Variants in CNTN1 observed in about 807,000 individuals in gnomAD.
CNTN1 encodes contactin-1.
A neutral mutation model predicts 126.4 loss-of-function variants in CNTN1; 38 were observed. The ratio of observed to expected loss-of-function variants is 0.30; its 90% CI spans 0.23 to 0.39. The LOEUF (loss-of-function observed/expected upper bound fraction) is 0.39. Among genes scored for constraint, CNTN1 ranks in the 10% least tolerant of loss-of-function variants. The pLI, the probability that CNTN1 is intolerant of heterozygous loss-of-function variation, is 1.00. For missense variants in CNTN1, 1,009 were observed against 1,248.4 expected (o/e 0.81, Z 2.89); for synonymous variants, 413 against 422.6 (o/e 0.98, Z 0.28).
chr12:40,833,503 A>G (rs1490049194), intron 1 of CNTN1, among the ~76,000 whole-genome samples: 1 of 152,236 alleles, frequency 6.6e-6, no homozygotes, highest in African/African-American at 2.4e-5. Flanking sequence ...CTAAATTTTA[A>G]TACAAACTAA....
intron 17 of CNTN1, among the ~76,000 whole-genome samples, chr12:41,007,350 G>A (rs184073531): frequency 4.3e-4 from 66 of 152,082 alleles, no homozygotes; most frequent in Middle Eastern, 6.8e-3. Context: ...GTGAGCCACC[G>A]CGCCCGGCCA....
chr12:41,000,569 A>T (rs1364817180), intron 17 of CNTN1, among the ~76,000 whole-genome samples: 2 of 152,114 alleles, frequency 1.3e-5, no homozygotes, highest in African/African-American at 4.8e-5. Context: ...GTAAAATAAA[A>T]TCTCTCAAAC....
chr12:40,769,685 G>A (rs74946383), intron 1 of CNTN1, among the ~76,000 whole-genome samples: 1 of 152,042 alleles, frequency 6.6e-6, no homozygotes, highest in Non-Finnish European at 1.5e-5. Context: ...TGCTGCTTTA[G>A]GATATTGCAT....
At chr12:40,866,393 A>G (rs1040298610) in intron 1 of CNTN1, among the ~76,000 whole-genome samples, 10 of 152,284 alleles carry the variant, frequency 6.6e-5, no homozygotes, top group South Asian at 4.1e-4. Context: ...ATTCCTGATC[A>G]TATGGGAAAA....
At chr12:40,910,251 A>G in intron 3 of CNTN1, 146 bp downstream of exon 3, 1 of 618,514 alleles carries the variant, frequency 1.6e-6, no homozygotes, top group Non-Finnish European at 2.9e-6. Flanking sequence ...GGTCTTTCTG[A>G]GATTATAAGC....
At chr12:40,974,550 AAAAAG>A (rs774550022) in intron 15 of CNTN1, among the ~76,000 whole-genome samples, 37 of 152,188 alleles carry the variant, frequency 2.4e-4, no homozygotes, top group Non-Finnish European at 4.9e-4. Context: ...TATTCTTCCC[AAAAAG>A]AAAAGTCAGC....
intron 1 of CNTN1, among the ~76,000 whole-genome samples, chr12:40,871,357 G>A (rs1943488142): frequency 6.6e-6 from 1 of 152,118 alleles, no homozygotes; most frequent in Admixed American, 6.6e-5. Context: ...TATGACTCTA[G>A]GGAGAGGAGA....
chr12:40,946,210 A>G (rs1005820581), intron 14 of CNTN1, among the ~76,000 whole-genome samples: 1 of 152,148 alleles, frequency 6.6e-6, no homozygotes, highest in East Asian at 1.9e-4. Context: ...TCACTGGTCA[A>G]TATGCCATGC....
intron 23 of CNTN1, among the ~76,000 whole-genome samples, chr12:41,064,769 C>CTAGA (rs59729389): frequency 0.27 from 40,204 of 150,536 alleles, 5,367 homozygotes; most frequent in Admixed American, 0.33. Context: ...TGCTACCTCT[C>CTAGA]TAGATAGATA....
At chr12:40,805,593 C>G (rs12300069) in intron 1 of CNTN1, among the ~76,000 whole-genome samples, 9,056 of 152,134 alleles carry the variant, frequency 0.06, 670 homozygotes, top group African/African-American at 0.18. Context: ...CCCTTTATAT[C>G]TGTTAGCATT....
chr12:40,768,694 C>G (rs977855267), intron 1 of CNTN1, among the ~76,000 whole-genome samples: 15 of 151,986 alleles, frequency 9.9e-5, no homozygotes, highest in Non-Finnish European at 8.8e-5. Context: ...TGAATTGCAA[C>G]TGCACACAGG....
intron 1 of CNTN1, among the ~76,000 whole-genome samples, chr12:40,816,682 G>A (rs879284310): frequency 3.3e-5 from 5 of 151,096 alleles, no homozygotes; most frequent in Non-Finnish European, 7.4e-5. Flanking sequence ...TTGTCTTCTG[G>A]CAGCTTTTGG....
At chr12:41,016,018 TTTC>T (rs2120740654) in intron 18 of CNTN1, among the ~76,000 whole-genome samples, 1 of 152,312 alleles carries the variant, frequency 6.6e-6, no homozygotes, top group Admixed American at 6.5e-5. Flanking sequence ...CTCTTACCAG[TTTC>T]TTTTCGATCA....
At chr12:41,036,751 C>T (rs1949275993) in intron 23 of CNTN1, among the ~76,000 whole-genome samples, 1 of 152,056 alleles carries the variant, frequency 6.6e-6, no homozygotes, top group African/African-American at 2.4e-5. Context: ...TGTATATAGA[C>T]CTTTTTTCTG....
intron 15 of CNTN1, among the ~76,000 whole-genome samples, chr12:40,965,164 G>T (rs1947260824): frequency 6.6e-6 from 1 of 151,968 alleles, no homozygotes; most frequent in Admixed American, 6.6e-5. Flanking sequence ...TGAAATCTCT[G>T]CATTTATGTT....
chr12:40,951,021 A>G (rs1405916583), intron 14 of CNTN1, among the ~76,000 whole-genome samples: 1 of 152,072 alleles, frequency 6.6e-6, no homozygotes, highest in Non-Finnish European at 1.5e-5. Flanking sequence ...AAGTGGTCCA[A>G]GAAGATTTTT....
At chr12:40,902,972 G>A (rs1020980216) in intron 1 of CNTN1, among the ~76,000 whole-genome samples, 5 of 152,176 alleles carry the variant, frequency 3.3e-5, no homozygotes, top group Non-Finnish European at 7.3e-5. Context: ...AAGAGAGAAG[G>A]AGAAAGAAAG....
chr12:41,034,540 T>C (rs140189496), intron 23 of CNTN1, among the ~76,000 whole-genome samples: 1 of 152,368 alleles, frequency 6.6e-6, no homozygotes, highest in Non-Finnish European at 1.5e-5. Flanking sequence ...ATTTAGTCTG[T>C]GATTAAGATA....
At chr12:40,948,744 T>C (rs1314676920) in intron 14 of CNTN1, among the ~76,000 whole-genome samples, 1 of 152,240 alleles carries the variant, frequency 6.6e-6, no homozygotes, top group Admixed American at 6.5e-5. Context: ...AAGGCAATAC[T>C]GTTCAATTCA....
Sources: allele counts gnomAD v4.1 joint callset (sites outside exome capture counted in the v4.1 genomes callset), GRCh38; gene constraint gnomAD v4.1.1; transcripts MANE v1.5; gene names NCBI Gene and HGNC (gene_info 2026-07-23, HGNC 2026-07-21).